Variants in NAA15 observed in about 807,000 individuals in gnomAD.
The protein encoded by NAA15 is N-alpha-acetyltransferase 15, NatA auxiliary subunit.
NAA15 carries 34 observed loss-of-function variants against 114.0 expected under a neutral mutation model. That is an observed-to-expected ratio of 0.30 (90% CI 0.23 to 0.40). The LOEUF (loss-of-function observed/expected upper bound fraction) is 0.40. NAA15 is among the 10% of genes least tolerant of loss of function. The probability of loss-of-function intolerance (pLI) is 1.00; values close to 1 mark genes in which losing one functional copy is unlikely to be tolerated. For synonymous variants in NAA15, 340 were observed against 338.0 expected (o/e 1.01, Z -0.06); for missense variants, 658 against 1,004.5 (o/e 0.66, Z 4.66).
rs925394492 is a variant in NAA15, at chr4:139,391,342, T to C, written c.*3258T>C. 6.6e-6 allele frequency: 1 copy of C among 152,234 alleles called. No homozygotes were observed. The highest frequency in any genetic ancestry group is 2.4e-5 in the African/African-American group (1 of 41,466). The allele number at this position is 152,234 out of a possible 1,614,324, so 9.4% of individuals were successfully genotyped here. ...TAAATTTTGTTCTAATTTTGATGGT[T>C]GAAAAATTTCAACCTGTAGCAATAA... On this transcript the variant is annotated 3_prime_UTR_variant, in exon 20 of 20. Transcript: ENST00000296543.
intron 11 of NAA15, 48 bp from the exon 12 acceptor site, chr4:139,359,695 G>A (rs751185175): frequency 9.0e-6 from 14 of 1,550,228 alleles, no homozygotes; most frequent in Non-Finnish European, 1.2e-5. Flanking sequence ...TACCTGCACA[G>A]TAAACTTAGC....
At chr4:139,350,660 A>G (rs1268384450) in intron 7 of NAA15, among the ~76,000 whole-genome samples, 29 of 152,230 alleles carry the variant, frequency 1.9e-4, no homozygotes. Flanking sequence ...TGATTTAGGA[A>G]CACCAGCAAG....
chr4:139,330,516 G>C (rs116695286), intron 1 of NAA15, among the ~76,000 whole-genome samples: 1 of 152,272 alleles, frequency 6.6e-6, no homozygotes, highest in South Asian at 2.1e-4. Flanking sequence ...CCAAGAAACC[G>C]GGTCTGATAG....
chr4:139,321,527 A>G (rs1295310511), intron 1 of NAA15, among the ~76,000 whole-genome samples: 1 of 138,696 alleles, frequency 7.2e-6, no homozygotes, highest in Non-Finnish European at 1.5e-5. Flanking sequence ...GCTGGAGTGC[A>G]GTGGTGAAAT....
At chr4:139,365,556 G>A (rs1459663167) in intron 14 of NAA15, among the ~76,000 whole-genome samples, 1 of 152,022 alleles carries the variant, frequency 6.6e-6, no homozygotes, top group Non-Finnish European at 1.5e-5. Flanking sequence ...ATGGGGTATG[G>A]GCTGGGTGCA....
At chr4:139,315,154 G>A (rs907410342) in intron 1 of NAA15, among the ~76,000 whole-genome samples, 3 of 151,608 alleles carry the variant, frequency 2.0e-5, no homozygotes, top group East Asian at 1.9e-4. Flanking sequence ...GCTCTGCCTC[G>A]GCCTAGGGAA....
At chr4:139,347,315 G>A (rs1747617834) in intron 6 of NAA15, among the ~76,000 whole-genome samples, 1 of 152,108 alleles carries the variant, frequency 6.6e-6, no homozygotes, top group Non-Finnish European at 1.5e-5. Context: ...GCCCCTGGTT[G>A]AGAACCGCTG....
chr4:139,314,364 A>C (rs1746312292), intron 1 of NAA15, among the ~76,000 whole-genome samples: 1 of 151,916 alleles, frequency 6.6e-6, no homozygotes, highest in Non-Finnish European at 1.5e-5. Flanking sequence ...TAGAGTTTCT[A>C]ATAGATGAAA....
chr4:139,336,843 A>G lies in NAA15; in HGVS notation c.140-5A>G. ...GTTCCTTTTCTTCTTTGTTTTTGAA[A>G]ATAGAAACCTTGGCTATGAAAGGAT... On this transcript the variant is annotated splice_polypyrimidine_tract_variant and splice_region_variant and intron_variant, in intron 2 of 19. Coordinates refer to ENST00000296543, the MANE Select transcript of NAA15 (RefSeq NM_057175.5). 1 of 1,489,950 alleles carries G rather than the reference A, an allele frequency of 6.7e-7. No homozygotes were observed. The highest frequency in any genetic ancestry group is 8.9e-7 in the Non-Finnish European group (1 of 1,119,714). 92.3% of individuals were successfully genotyped at this position (1,489,950 alleles called of 1,614,324 possible).
At chr4:139,347,083 T>G (rs1747609409) in intron 6 of NAA15, among the ~76,000 whole-genome samples, 1 of 152,134 alleles carries the variant, frequency 6.6e-6, no homozygotes, top group African/African-American at 2.4e-5. Flanking sequence ...ATGGGTTATT[T>G]TTAGTGTTTT....
At chr4:139,308,881 T>G (rs1048690857) in intron 1 of NAA15, among the ~76,000 whole-genome samples, 3 of 152,008 alleles carry the variant, frequency 2.0e-5, no homozygotes, top group Non-Finnish European at 4.4e-5. Flanking sequence ...CTCTCCCAAG[T>G]GCTGGGATTA....
chr4:139,341,182 T>A, intron 4 of NAA15, 113 bp downstream of exon 4: 1 of 745,132 alleles, frequency 1.3e-6, no homozygotes, highest in Non-Finnish European at 2.0e-6. Flanking sequence ...TTAATTGAAT[T>A]TTTTTTTCCT....
In NAA15 at chr4:139,390,987, A is replaced by C. The variant is rs971469137; in HGVS notation, c.*2903A>C. 9 of 152,202 alleles carry C rather than the reference A, an allele frequency of 5.9e-5. No homozygotes were observed. Among genetic ancestry groups the C allele is most frequent in the Non-Finnish European group, 1.2e-4 (8 of 68,030 alleles). 9.4% of individuals were successfully genotyped at this position (152,202 alleles called of 1,614,324 possible). On this transcript the variant is annotated 3_prime_UTR_variant, in exon 20 of 20. Coordinates refer to ENST00000296543, the MANE Select transcript of NAA15 (RefSeq NM_057175.5). ...GGTAAGTTCAGGGAAGTCTTGTATG[A>C]TTTCTAAGAATATTTCAGTTACCAT...
chr4:139,333,102 G>A (rs571778264), intron 1 of NAA15, among the ~76,000 whole-genome samples: 1 of 151,762 alleles, frequency 6.6e-6, no homozygotes, highest in Non-Finnish European at 1.5e-5. Context: ...TTGTTATACT[G>A]TATTGCTTAG....
chr4:139,312,066 G>A (rs1746243864), intron 1 of NAA15, among the ~76,000 whole-genome samples: 2 of 151,986 alleles, frequency 1.3e-5, no homozygotes, highest in Non-Finnish European at 2.9e-5. Context: ...ATGCTGGGAA[G>A]CTGATGTGGA....
chr4:139,321,874 G>A (rs903522466), intron 1 of NAA15, among the ~76,000 whole-genome samples: 1 of 151,820 alleles, frequency 6.6e-6, no homozygotes, highest in Admixed American at 6.6e-5. Flanking sequence ...AGCTACTTAC[G>A]TCATTGTTAT....
chr4:139,314,542 G>A (rs550173487), intron 1 of NAA15, among the ~76,000 whole-genome samples: 1 of 151,992 alleles, frequency 6.6e-6, no homozygotes, highest in South Asian at 2.1e-4. Flanking sequence ...TCTTAACTCT[G>A]AAGTATGGCT....
chr4:139,342,647 A>G (rs1186932992), intron 4 of NAA15, among the ~76,000 whole-genome samples, 179 bp from the exon 5 acceptor site: 1 of 151,794 alleles, frequency 6.6e-6, no homozygotes, highest in African/African-American at 2.4e-5. Flanking sequence ...ACGGGGTTTC[A>G]CCATGTTGGC....
At chr4:139,333,978 T>G (rs757680597) in intron 1 of NAA15, among the ~76,000 whole-genome samples, 196 bp from the exon 2 acceptor site, 1 of 152,234 alleles carries the variant, frequency 6.6e-6, no homozygotes, top group Non-Finnish European at 1.5e-5. Context: ...TGGACTTTAC[T>G]AATCTATATT....
Sources: allele counts gnomAD v4.1 joint callset (sites outside exome capture counted in the v4.1 genomes callset), GRCh38; gene constraint gnomAD v4.1.1; transcripts MANE v1.5; gene names NCBI Gene and HGNC (gene_info 2026-07-23, HGNC 2026-07-21).